Variants in PIK3CA observed in about 807,000 individuals in gnomAD.
PIK3CA encodes phosphatidylinositol-4,5-bisphosphate 3-kinase catalytic subunit alpha, also known as phosphatidylinositol 4,5-bisphosphate 3-kinase catalytic subunit alpha isoform.
In PIK3CA, 27 loss-of-function variants were observed where a neutral mutation model predicts 138.2. The observed-to-expected ratio is 0.20, with a 90% confidence interval of 0.14 to 0.27. The LOEUF is 0.27. PIK3CA is among the 10% of genes least tolerant of loss of function. PIK3CA has a pLI of 1.00. For missense variants in PIK3CA, 544 were observed against 1,277.4 expected (o/e 0.43, Z 8.75); for synonymous variants, 358 against 413.2 (o/e 0.87, Z 1.62).
chr3:179,152,896 C>G (rs1723047722), intron 1 of PIK3CA, among the ~76,000 whole-genome samples: 1 of 152,036 alleles, frequency 6.6e-6, no homozygotes, highest in Non-Finnish European at 1.5e-5. Flanking sequence ...GAGAGAATAG[C>G]AAGTGCCAAA....
intron 1 of PIK3CA, among the ~76,000 whole-genome samples, chr3:179,152,974 A>T (rs1312165321): frequency 6.6e-6 from 1 of 152,196 alleles, no homozygotes; most frequent in African/African-American, 2.4e-5. Context: ...ACTGTCTCCA[A>T]AGATAAGTAA....
Position 179,199,788 on chromosome 3 carries a change from G to A in PIK3CA, c.451G>A (p.Val151Met), listed in dbSNP as rs1433512757. The change falls in exon 3 of 21, where the codon GTG (valine) becomes ATG (methionine). Residue 151 changes from valine to methionine, a missense_variant. Val to Met is a conservative substitution (Grantham distance 21, BLOSUM62 1). Coordinates refer to ENST00000263967, the MANE Select transcript of PIK3CA (RefSeq NM_006218.4). ...RNILNVCKEA[V>M]DLRDLNSPHS... Reference sequence around the variant, plus strand: ...TATTCTGAACGTTTGTAAAGAAGCTGTGGATCTTAGGGACCTCAATTCACC... The same window carrying A: ...TATTCTGAACGTTTGTAAAGAAGCTATGGATCTTAGGGACCTCAATTCACC... The A allele has an allele frequency of 6.8e-6, 11 of 1,612,534 alleles. No individual in the cohort carries two copies. The highest frequency in any genetic ancestry group is 9.3e-6 in the Non-Finnish European group (11 of 1,178,672).
intron 3 of PIK3CA, among the ~76,000 whole-genome samples, chr3:179,200,800 G>A (rs4854955): frequency 0.1 from 15,277 of 152,014 alleles, 1,190 homozygotes; most frequent in African/African-American, 0.21. Flanking sequence ...ATCTTAAAAG[G>A]AGAAAATTAG....
intron 9 of PIK3CA, among the ~76,000 whole-genome samples, chr3:179,217,590 CATT>C (rs1388115817): frequency 2.0e-5 from 3 of 151,936 alleles, no homozygotes; most frequent in Non-Finnish European, 4.4e-5. Context: ...AATATGTACT[CATT>C]ATTCATTACA....
rs1478762432 is a variant in PIK3CA at position 179,219,966 on chromosome 3, A to G, written c.1929A>G (p.Gln643=). Reference sequence around the variant, plus strand: ...TCACCTAGGTCCTAAAATATGAACAATATTTGGATAACTTGCTTGTGAGAT... The same window carrying G: ...TCACCTAGGTCCTAAAATATGAACAGTATTTGGATAACTTGCTTGTGAGAT... ...IQLVQVLKYE[Q]YLDNLLVRFL... Residue 643 remains glutamine, a synonymous_variant, in exon 13 of 21, where the codon CAA becomes CAG. Coordinates refer to ENST00000263967, the MANE Select transcript of PIK3CA (RefSeq NM_006218.4). This position sits in a 1 kb window ranked among gnomAD's most constrained non-coding sequence, Gnocchi z 4.2. 2 of 1,607,722 alleles carry G rather than the reference A, an allele frequency of 1.2e-6. No homozygotes were observed. The highest frequency in any genetic ancestry group is 2.2e-5 in the South Asian group (2 of 89,190).
chr3:179,182,036 T>C (rs139527418), intron 1 of PIK3CA, among the ~76,000 whole-genome samples: 28 of 152,330 alleles, frequency 1.8e-4, no homozygotes, highest in African/African-American at 6.7e-4. Flanking sequence ...TTTAATCTCT[T>C]CAGTCGTTCC....
intron 7 of PIK3CA, among the ~76,000 whole-genome samples, 197 bp from the exon 8 acceptor site, chr3:179,209,989 A>C (rs909228739): frequency 6.6e-6 from 1 of 152,084 alleles, no homozygotes; most frequent in Non-Finnish European, 1.5e-5. Context: ...CATATTTTCT[A>C]TTTATAATTA....
At chr3:179,174,897 T>C (rs996866811) in intron 1 of PIK3CA, among the ~76,000 whole-genome samples, 3 of 152,248 alleles carry the variant, frequency 2.0e-5, no homozygotes, top group Non-Finnish European at 4.4e-5. Flanking sequence ...TCTGAATTTG[T>C]CTTTCCATGG....
chr3:179,204,461 G>T, intron 5 of PIK3CA, 42 bp from the exon 6 acceptor site: 1 of 904,862 alleles, frequency 1.1e-6, no homozygotes, highest in Non-Finnish European at 1.8e-6. Context: ...ATATGTGTAT[G>T]TTGAGTGTAT....
Position 179,234,384 on chromosome 3 carries a change from A to C in PIK3CA, c.*20A>C. 1 of 1,587,160 alleles carries C rather than the reference A, an allele frequency of 6.3e-7. No homozygotes were observed. The highest frequency in any genetic ancestry group is 8.6e-7 in the Non-Finnish European group (1 of 1,164,144). ...AACTGAAAAGATAACTGAGAAAATG[A>C]AAGCTCACTCTGGATTCCACACTGC... On this transcript the variant is annotated 3_prime_UTR_variant, in exon 21 of 21. Coordinates refer to ENST00000263967, the MANE Select transcript of PIK3CA (RefSeq NM_006218.4). The surrounding 1 kb of genome is among the most constrained non-coding windows in gnomAD (Gnocchi z 5.1).
intron 1 of PIK3CA, among the ~76,000 whole-genome samples, chr3:179,160,593 A>G (rs1386516830): frequency 2.0e-5 from 3 of 152,198 alleles, no homozygotes; most frequent in Non-Finnish European, 4.4e-5. Flanking sequence ...AGAAACTGTC[A>G]TGTATTCTCT....
At chr3:179,167,424 A>G (rs1197525329) in intron 1 of PIK3CA, among the ~76,000 whole-genome samples, 2 of 152,068 alleles carry the variant, frequency 1.3e-5, no homozygotes, top group African/African-American at 4.8e-5. Context: ...TGCCACATCA[A>G]CTTTCAGTAA....
In PIK3CA at chr3:179,219,675, G is replaced by A. The variant is rs1238426126; in HGVS notation, c.1851G>A (p.Arg617=). ...PDPMVRGFAV[R]CLEKYLTDDK... ...CTATGGTTCGAGGTTTTGCTGTTCG[G>A]TGCTTGGAAAAATATTTAACAGATG... is the stretch of plus-strand genomic sequence containing the variant. Residue 617 remains arginine (R), a synonymous_variant, in exon 12 of 21, where the codon CGG becomes CGA. Transcript: ENST00000263967. This position sits in a 1 kb window ranked among gnomAD's most constrained non-coding sequence, Gnocchi z 4.2. The A allele has an allele frequency of 6.2e-7, 1 of 1,611,528 alleles. No homozygotes were observed. Among genetic ancestry groups the A allele is most frequent in the Non-Finnish European group, 8.5e-7 (1 of 1,178,184 alleles).
At chr3:179,221,304 T>C (rs1299673386) in intron 14 of PIK3CA, 147 bp downstream of exon 14, 8 of 572,118 alleles carry the variant, frequency 1.4e-5, no homozygotes, top group African/African-American at 3.8e-5. Flanking sequence ...AGCTGTGTAG[T>C]GTTAGACACG....
intron 1 of PIK3CA, among the ~76,000 whole-genome samples, chr3:179,179,889 C>T (rs1723797705): frequency 6.6e-6 from 1 of 152,076 alleles, no homozygotes; most frequent in East Asian, 1.9e-4. Flanking sequence ...ACAGAAGCTA[C>T]TTGGGCTGAA....
At chr3:179,210,675 A>T in intron 9 of PIK3CA, 110 bp downstream of exon 9, 1 of 993,768 alleles carries the variant, frequency 1.0e-6, no homozygotes, top group Admixed American at 2.5e-5. Flanking sequence ...GATACTATGA[A>T]CTCTAGGACC....
At chr3:179,174,206 C>T (rs977402676) in intron 1 of PIK3CA, among the ~76,000 whole-genome samples, 29 of 152,064 alleles carry the variant, frequency 1.9e-4, no homozygotes, top group Admixed American at 1.2e-3. Context: ...CATGGTGGCT[C>T]ATGCCTGTAA....
At chr3:179,228,079 G>C (rs1350204327) in intron 17 of PIK3CA, among the ~76,000 whole-genome samples, 1 of 152,030 alleles carries the variant, frequency 6.6e-6, no homozygotes, top group African/African-American at 2.4e-5. Context: ...ATATGTGCCT[G>C]TCTCTTTGAA....
chr3:179,176,517 A>G (rs1221376210), intron 1 of PIK3CA, among the ~76,000 whole-genome samples: 1 of 152,174 alleles, frequency 6.6e-6, no homozygotes, highest in African/African-American at 2.4e-5. Flanking sequence ...GATTGGTGAC[A>G]CAAAGGTCTG....
Sources: gnomAD v4.1 joint callset for allele counts (sites outside exome capture counted in the v4.1 genomes callset) on GRCh38, gnomAD v4.1.1 for gene constraint, Gnocchi (gnomAD v3.1) non-coding constraint, MANE v1.5 for transcripts, NCBI Gene and HGNC (gene_info 2026-07-23, HGNC 2026-07-21) for gene names.